The following PSMA1 variants were observed in gnomAD, a reference collection of about 807,000 sequenced individuals.
PSMA1 encodes the protein proteasome 20S subunit alpha 1.
A neutral mutation model predicts 38.4 loss-of-function variants in PSMA1; 3 were observed. That is an observed-to-expected ratio of 0.08 (90% CI 0.04 to 0.20). The LOEUF (loss-of-function observed/expected upper bound fraction) is 0.20. Among genes scored for constraint, PSMA1 ranks in the 10% least tolerant of loss-of-function variants. PSMA1 has a pLI of 1.00. For synonymous variants in PSMA1, 101 were observed against 107.1 expected, an observed-to-expected ratio of 0.94 and a Z score of 0.35; for missense variants, 227 against 325.3, an observed-to-expected ratio of 0.70 and a Z score of 2.32.
chr11:14,580,970 C>A (rs1434309836), intron 2 of PSMA1, among the ~76,000 whole-genome samples: 2 of 152,124 alleles, frequency 1.3e-5, no homozygotes, highest in African/African-American at 4.8e-5. Context: ...ATAGGAATGA[C>A]AGATGAACTA....
intron 2 of PSMA1, among the ~76,000 whole-genome samples, chr11:14,530,701 A>G (rs1851637976): frequency 6.6e-6 from 1 of 152,132 alleles, no homozygotes; most frequent in Non-Finnish European, 1.5e-5. Context: ...CAGGAGTTCG[A>G]GACCAGCCTG....
chr11:14,520,626 C>T, upstream of PSMA1: 3 of 554,336 alleles, frequency 5.4e-6, no homozygotes, highest in South Asian at 5.1e-5. Flanking sequence ...GGCGGATTCC[C>T]TCCAGTTTCT....
At chr11:14,539,562 C>T (rs1851747977) in intron 2 of PSMA1, among the ~76,000 whole-genome samples, 1 of 152,130 alleles carries the variant, frequency 6.6e-6, no homozygotes, top group Non-Finnish European at 1.5e-5. Context: ...ACAGGACCCA[C>T]GGGCCGGGTG....
At chr11:14,552,931 A>T (rs1851903119) in intron 2 of PSMA1, among the ~76,000 whole-genome samples, 1 of 151,004 alleles carries the variant, frequency 6.6e-6, no homozygotes, top group Non-Finnish European at 1.5e-5. Flanking sequence ...GGCTCGAGCA[A>T]TCCCTACACC....
At chr11:14,518,115 T>G (rs867350589) in intron 2 of PSMA1, 134 bp from the exon 3 acceptor site, 1 of 649,788 alleles carries the variant, frequency 1.5e-6, no homozygotes, top group African/African-American at 1.9e-5. Context: ...CTTTTTTTTT[T>G]TTTGAGACAG....
At chr11:14,609,930 T>TG (rs1342933145) in intron 2 of PSMA1, among the ~76,000 whole-genome samples, 2 of 152,142 alleles carry the variant, frequency 1.3e-5, no homozygotes, top group Non-Finnish European at 2.9e-5. Context: ...AGGAAACTGT[T>TG]GCAATAATCT....
rs1266831087 is a variant in PSMA1, at chr11:14,513,800, A to C, written c.414+17T>G. 1.9e-6 allele frequency: 3 copies of C among 1,570,250 alleles called. No homozygotes were observed. The highest frequency in any genetic ancestry group is 2.6e-6 in the Non-Finnish European group (3 of 1,164,978). ...TAAAAAAAATCATTAACATATAACA[A>C]TATTCAATGAACTTACATCATAACC... On this transcript the variant is annotated intron_variant, in intron 6 of 9. Transcript: ENST00000396394.
At chr11:14,561,167 A>C (rs931377581) in intron 2 of PSMA1, among the ~76,000 whole-genome samples, 6 of 152,214 alleles carry the variant, frequency 3.9e-5, no homozygotes, top group African/African-American at 1.4e-4. Context: ...AAATAAAAAG[A>C]AGAGGAAGGT....
chr11:14,601,526 T>C (rs1294914146), intron 2 of PSMA1, among the ~76,000 whole-genome samples: 2 of 152,142 alleles, frequency 1.3e-5, no homozygotes, highest in Admixed American at 6.6e-5. Context: ...ATGTAAACTC[T>C]CTCCGACTCA....
intron 2 of PSMA1, among the ~76,000 whole-genome samples, chr11:14,561,156 A>G (rs1852002984): frequency 1.3e-5 from 2 of 152,240 alleles, no homozygotes; most frequent in Admixed American, 1.3e-4. Flanking sequence ...AATTATTTAG[A>G]AAATAAAAAG....
chr11:14,514,605 A>G (rs915721679), intron 4 of PSMA1, 114 bp from the exon 5 acceptor site: 3 of 814,538 alleles, frequency 3.7e-6, no homozygotes, highest in Non-Finnish European at 5.3e-6. Context: ...TAACATCCAT[A>G]TAAGAAAAAC....
At chr11:14,600,219 G>C (rs568910365) in intron 2 of PSMA1, among the ~76,000 whole-genome samples, 1 of 152,354 alleles carries the variant, frequency 6.6e-6, no homozygotes, top group Admixed American at 6.5e-5. Flanking sequence ...CACTTGAGGA[G>C]GCAGTCTGTC....
intron 2 of PSMA1, among the ~76,000 whole-genome samples, chr11:14,560,547 T>TC (rs1851996684): frequency 3.9e-5 from 6 of 152,166 alleles, no homozygotes; most frequent in Admixed American, 3.9e-4. Context: ...GATGTACCAG[T>TC]CAATCACCAG....
intron 2 of PSMA1, among the ~76,000 whole-genome samples, chr11:14,557,635 AG>A (rs1475693921): frequency 1.3e-5 from 2 of 152,040 alleles, no homozygotes; most frequent in African/African-American, 2.4e-5. Flanking sequence ...CCTCACTCCT[AG>A]AGGGGTGAGG....
chr11:14,570,517 G>A (rs766700980), intron 2 of PSMA1, among the ~76,000 whole-genome samples: 6 of 152,086 alleles, frequency 3.9e-5, no homozygotes, highest in Admixed American at 6.6e-5. Flanking sequence ...AGAGAAGACC[G>A]TAAATGACCT....
At chr11:14,549,472 C>T (rs1264601843) in intron 2 of PSMA1, among the ~76,000 whole-genome samples, 1 of 152,026 alleles carries the variant, frequency 6.6e-6, no homozygotes, top group Admixed American at 6.6e-5. Flanking sequence ...GAGGCCAAGG[C>T]AGGAGGATCA....
At chr11:14,563,740 A>G (rs1183753142) in intron 2 of PSMA1, among the ~76,000 whole-genome samples, 1 of 152,236 alleles carries the variant, frequency 6.6e-6, no homozygotes. Context: ...AATCACTGTT[A>G]GGAAGACTTT....
intron 2 of PSMA1, among the ~76,000 whole-genome samples, chr11:14,572,844 T>A (rs1191476996): frequency 6.6e-6 from 1 of 152,056 alleles, no homozygotes; most frequent in East Asian, 1.9e-4. Context: ...TTACCACCAA[T>A]CCCATGGAAA....
chr11:14,608,689 T>TA (rs1852673143), intron 2 of PSMA1, among the ~76,000 whole-genome samples: 1 of 147,654 alleles, frequency 6.8e-6, no homozygotes, highest in Non-Finnish European at 1.5e-5. Flanking sequence ...ATAAAACATA[T>TA]ATGATTATAT....
Sources: gnomAD v4.1 joint callset for allele counts (sites outside exome capture counted in the v4.1 genomes callset) on GRCh38, gnomAD v4.1.1 for gene constraint, MANE v1.5 for transcripts, NCBI Gene and HGNC (gene_info 2026-07-23, HGNC 2026-07-21) for gene names.